THAP5: variants seen among roughly 807,000 people sequenced by gnomAD.
THAP5 encodes THAP domain containing 5.
THAP5 carries 26 observed loss-of-function variants against 34.0 expected under a neutral mutation model. That is an observed-to-expected ratio of 0.77 (90% CI 0.56 to 1.06). The LOEUF is 1.06. Among genes scored for constraint, THAP5 ranks in the 50% least tolerant of loss-of-function variants. THAP5 has a pLI of 0.00. For synonymous variants in THAP5, 125 were observed against 153.0 expected (o/e 0.82, Z 1.35); for missense variants, 394 against 452.8 (o/e 0.87, Z 1.18).
chr7:108,566,836 T>C (rs1470180805), intron 1 of THAP5, among the ~76,000 whole-genome samples: 1 of 152,212 alleles, frequency 6.6e-6, no homozygotes, highest in African/African-American at 2.4e-5. Flanking sequence ...ATGGCAGAAT[T>C]TGATAGAAAA....
rs1790572324 is a variant in THAP5, at chr7:108,569,661, G to C, written c.-92C>G. 6.8e-7 allele frequency: 1 copy of C among 1,470,898 alleles called. No homozygotes were observed. Among genetic ancestry groups the C allele is most frequent in the African/African-American group, 1.4e-5 (1 of 71,154 alleles). The allele number at this position is 1,470,898 out of a possible 1,614,324, so 91.1% of individuals were successfully genotyped here. A position where few individuals can be genotyped will look rare whatever the true frequency, so the allele number is the denominator to read the frequency against. ...TGCGCCACAGGTCCAGGCCTCTCGA[G>C]CCCCTGCGCCTGCGCTAGCATTCTG... On this transcript the variant is annotated 5_prime_UTR_variant, in exon 1 of 3. Coordinates refer to ENST00000415914, the MANE Select transcript of THAP5 (RefSeq NM_001130475.3).
chr7:108,564,536 A>G lies in THAP5; in HGVS notation c.843T>C (p.Ser281=), dbSNP rs770507948. Reference sequence around the variant, plus strand: ...ATATAAAAGAATTAACTGAGGGTTTAGAATTTTCAGCAGGTACAAAAATGG... The same window carrying G: ...ATATAAAAGAATTAACTGAGGGTTTGGAATTTTCAGCAGGTACAAAAATGG... ...VIAIFVPAEN[S]KPSVNSFISA... is the part of the protein sequence containing the mutation. The change falls in exon 3 of 3, where the codon TCT becomes TCC. Residue 281 remains serine (S), a synonymous_variant. Transcript: ENST00000415914. 2.4e-5 allele frequency: 39 copies of G among 1,613,772 alleles called. No individual in the cohort carries two copies. Among genetic ancestry groups the G allele is most frequent in the South Asian group, 1.4e-4 (13 of 91,076 alleles).
intron 1 of THAP5, chr7:108,568,293 C>T (rs1049570449): frequency 6.6e-6 from 1 of 151,298 alleles, no homozygotes; most frequent in East Asian, 1.9e-4. Context: ...TCAACCTCCA[C>T]CTCCCAGGTT....
chr7:108,559,353 G>A (rs1190946507), downstream of THAP5, among the ~76,000 whole-genome samples: 3 of 152,198 alleles, frequency 2.0e-5, no homozygotes, highest in Non-Finnish European at 4.4e-5. Flanking sequence ...CTTATTAGAC[G>A]AAGGTGTAGT....
Position 108,565,836 on chromosome 7 carries a change from G to A in THAP5, c.267C>T (p.Asp89=), listed in dbSNP as rs1790474086. The part of the protein sequence containing the change: ...AVPTIFSLPE[D]NQGKDPSKKK... ...CTCTCCCATACTGCAATACCTGATT[G>A]TCTTCAGGCAAAGAAAATATTGTTG... The change falls in exon 2 of 3, where the codon GAC becomes GAT. Residue 89 remains aspartate (D), a synonymous_variant. Transcript: ENST00000415914. 6.5e-7 allele frequency: 1 copy of A among 1,543,882 alleles called. No individual in the cohort carries two copies. The highest frequency in any genetic ancestry group is 8.7e-7 in the Non-Finnish European group (1 of 1,144,366).
At position 108,569,627 on chromosome 7, in the gene THAP5, C is replaced by G; in HGVS notation, c.-58G>C. ...GCGACGGATGCAGGGCGGCCCTCCT[C>G]ACTGAGGATGCGCCACAGGTCCAGG... is the stretch of plus-strand genomic sequence containing the variant. On this transcript the variant is annotated 5_prime_UTR_variant, in exon 1 of 3. It removes the in-frame stop codon of an upstream open reading frame in the 5' UTR. Coordinates refer to ENST00000415914, the MANE Select transcript of THAP5 (RefSeq NM_001130475.3). 6.5e-7 allele frequency: 1 copy of G among 1,543,412 alleles called. No homozygotes were observed. Among genetic ancestry groups the G allele is most frequent in the South Asian group, 1.2e-5 (1 of 83,930 alleles).
At chr7:108,559,546 T>C (rs1001167155), downstream of THAP5, among the ~76,000 whole-genome samples, 1 of 152,210 alleles carries the variant, frequency 6.6e-6, no homozygotes, top group East Asian at 1.9e-4. Flanking sequence ...TCCTTCTCCT[T>C]AAGTTTTCTA....
At chr7:108,558,415 T>TATATATATATATATATATATATATA (rs1554694595), downstream of THAP5, among the ~76,000 whole-genome samples, 2 of 61,210 alleles carry the variant, frequency 3.3e-5, no homozygotes, top group African/African-American at 1.3e-4. Context: ...ATATATATAT[T>TATATATATATATATATATATATATA]TAGACAGAGT....
At chr7:108,569,185 G>T in intron 1 of THAP5, 1 of 1,274,632 alleles carries the variant, frequency 7.8e-7, no homozygotes, top group Non-Finnish European at 1.0e-6. Context: ...GTTGTTCAAT[G>T]AAATGAGATC....
chr7:108,569,513 T>C lies in THAP5; in HGVS notation c.57A>G (p.Lys19=). Residue 19 remains lysine (K), a synonymous_variant, in exon 1 of 3, where the codon AAA becomes AAG. Transcript: ENST00000415914. ...CCKNRRGRNN[K]DRKLSFYPFP... ...ACGGATAAAAACTCAGCTTCCGGTC[T>C]TTATTGTTTCGTCCCCGGCGGTTCT... 1 of 1,551,804 alleles carries C rather than the reference T, an allele frequency of 6.4e-7. No homozygotes were observed. Among genetic ancestry groups the C allele is most frequent in the Non-Finnish European group, 8.7e-7 (1 of 1,147,002 alleles).
the THAP5 span, among the ~76,000 whole-genome samples, chr7:108,546,259 A>C: frequency 1.3e-5 from 2 of 152,172 alleles, no homozygotes; most frequent in African/African-American, 4.8e-5. Context: ...AGGTGCCAAA[A>C]ACAAGTTTTG....
chr7:108,565,795 C>A, intron 2 of THAP5, 35 bp downstream of exon 2: 1 of 1,455,326 alleles, frequency 6.9e-7, no homozygotes, highest in South Asian at 1.5e-5. Flanking sequence ...ATCTGCCACT[C>A]TGCTCAGCAT....
At position 108,569,479 on chromosome 7, in the gene THAP5, A is replaced by C. The variant is rs947813201; in HGVS notation, c.80+11T>G. On this transcript the variant is annotated intron_variant, in intron 1 of 2. Coordinates refer to ENST00000415914, the MANE Select transcript of THAP5 (RefSeq NM_001130475.3). ...GGCGAGGCTGACGCTTCTGCTCCAG[A>C]AACAACTTACGGATAAAAACTCAGC... The C allele has an allele frequency of 2.6e-6, 4 of 1,551,570 alleles. No individual in the cohort carries two copies. The highest frequency in any genetic ancestry group is 3.5e-6 in the Non-Finnish European group (4 of 1,146,976).
downstream of THAP5, among the ~76,000 whole-genome samples, chr7:108,549,704 A>G (rs561857514): frequency 4.0e-4 from 61 of 152,292 alleles, no homozygotes; most frequent in African/African-American, 1.4e-3. Flanking sequence ...ATTAGTCTGG[A>G]TTCTTTGCAT....
intron 2 of THAP5, 163 bp from the exon 3 acceptor site, chr7:108,565,268 T>G (rs1790462231): frequency 5.6e-6 from 3 of 538,314 alleles, no homozygotes; most frequent in Non-Finnish European, 6.2e-6. Flanking sequence ...TAAAAAGCAT[T>G]AATCCCATTC....
In THAP5 at chr7:108,564,448, C is replaced by T. The variant is rs1257212424; in HGVS notation, c.931G>A (p.Val311Ile). Reference sequence around the variant, plus strand: ...TGTAAAACTTCTGTCCCATAGTCTACATCCTTATACAAGGAGTCTTCAATG... The same window carrying T: ...TGTAAAACTTCTGTCCCATAGTCTATATCCTTATACAAGGAGTCTTCAATG... ...TDIEDSLYKD[V>I]DYGTEVLQIE... Residue 311 changes from valine to isoleucine, a missense_variant, in exon 3 of 3, where the codon GTA (valine) becomes ATA (isoleucine). Physicochemically the swap from Val to Ile is conservative, Grantham distance 29. Transcript: ENST00000415914. 6.2e-7 allele frequency: 1 copy of T among 1,613,820 alleles called. No homozygotes were observed. The highest frequency in any genetic ancestry group is 8.5e-7 in the Non-Finnish European group (1 of 1,179,928).
intron 1 of THAP5, among the ~76,000 whole-genome samples, chr7:108,555,146 C>T (rs1379380487): frequency 1.3e-5 from 2 of 151,560 alleles, no homozygotes; most frequent in Non-Finnish European, 2.9e-5. Context: ...ATGGTCAAAC[C>T]CATTGATTAC....
At chr7:108,569,292 A>G in intron 1 of THAP5, 198 bp downstream of exon 1, 1 of 1,439,848 alleles carries the variant, frequency 6.9e-7, no homozygotes, top group East Asian at 2.5e-5. Context: ...CCTCGCCACC[A>G]GCCAGCAGTC....
the THAP5 span, among the ~76,000 whole-genome samples, chr7:108,548,016 C>A: frequency 1.3e-5 from 2 of 152,194 alleles, no homozygotes; most frequent in South Asian, 2.1e-4. Flanking sequence ...CTCCTAAAAG[C>A]CTCCCATGGT....
Sources: allele counts gnomAD v4.1 joint callset (sites outside exome capture counted in the v4.1 genomes callset), GRCh38; gene constraint gnomAD v4.1.1; transcripts MANE v1.5; gene names NCBI Gene and HGNC (gene_info 2026-07-23, HGNC 2026-07-21).